Variants in PALLD observed in about 807,000 individuals in gnomAD.
PALLD encodes the protein palladin.
A neutral mutation model predicts 123.5 loss-of-function variants in PALLD; 61 were observed. That is an observed-to-expected ratio of 0.49 (90% CI 0.40 to 0.61). The LOEUF is 0.61. Ranked by LOEUF, PALLD falls within the 20% of genes least tolerant of loss-of-function variation. The pLI is 0.00. For missense variants in PALLD, 1,273 were observed against 1,377.0 expected (o/e 0.92, Z 1.20); for synonymous variants, 465 against 496.4 (o/e 0.94, Z 0.84).
At chr4:168,557,075 G>T (rs938890163) in intron 2 of PALLD, among the ~76,000 whole-genome samples, 1 of 121,444 alleles carries the variant, frequency 8.2e-6, no homozygotes, top group Non-Finnish European at 2.0e-5. Context: ...ACAGAGTCTC[G>T]CTCTGTTGCC....
chr4:168,858,790 T>TA (rs1748996585), intron 10 of PALLD, among the ~76,000 whole-genome samples: 1 of 77,722 alleles, frequency 1.3e-5, no homozygotes, highest in South Asian at 5.7e-4. Flanking sequence ...TCAAAAAAAA[T>TA]AAAAATTAAA....
chr4:168,778,683 T>C (rs766523280), intron 10 of PALLD, among the ~76,000 whole-genome samples: 1 of 152,240 alleles, frequency 6.6e-6, no homozygotes, highest in Non-Finnish European at 1.5e-5. Flanking sequence ...ATTTATGCCT[T>C]ACTTGCGTAA....
intron 2 of PALLD, among the ~76,000 whole-genome samples, chr4:168,642,988 G>C (rs1287961660): frequency 6.6e-6 from 1 of 152,204 alleles, no homozygotes; most frequent in Non-Finnish European, 1.5e-5. Flanking sequence ...GGAAGGAAAG[G>C]GGTGTTTGGA....
At chr4:168,595,450 T>C (rs1771885378) in intron 2 of PALLD, among the ~76,000 whole-genome samples, 1 of 152,178 alleles carries the variant, frequency 6.6e-6, no homozygotes, top group Non-Finnish European at 1.5e-5. Context: ...ACATCGTTTA[T>C]GATAAATGCT....
intron 6 of PALLD, among the ~76,000 whole-genome samples, 181 bp from the exon 7 acceptor site, chr4:168,690,422 G>A (rs1053684351): frequency 9.2e-5 from 14 of 152,138 alleles, no homozygotes; most frequent in African/African-American, 1.7e-4. Context: ...GCTGATAATC[G>A]GTGGGTCCAA....
chr4:168,755,100 G>C (rs1343830490), intron 10 of PALLD, among the ~76,000 whole-genome samples: 2 of 152,092 alleles, frequency 1.3e-5, no homozygotes, highest in Non-Finnish European at 2.9e-5. Flanking sequence ...AGGCGTGGTG[G>C]CGGGCGCCTG....
intron 2 of PALLD, among the ~76,000 whole-genome samples, chr4:168,640,496 C>G (rs1161895639): frequency 6.6e-6 from 1 of 152,168 alleles, no homozygotes; most frequent in African/African-American, 2.4e-5. Context: ...ACAAGGCACT[C>G]ACACAAGGTT....
intron 10 of PALLD, among the ~76,000 whole-genome samples, chr4:168,782,888 C>T (rs1297454726): frequency 1.3e-5 from 2 of 151,998 alleles, no homozygotes; most frequent in Non-Finnish European, 2.9e-5. Flanking sequence ...GCACTCCAGC[C>T]TGGGCGACAG....
rs368056641 is a variant in PALLD, at chr4:168,890,984, C to T, written c.2027C>T (p.Thr676Ile). The T allele has an allele frequency of 1.9e-6, 3 of 1,613,992 alleles. No individual in the cohort carries two copies. The highest frequency in any genetic ancestry group is 1.1e-5 in the South Asian group (1 of 91,070). The change falls in exon 11 of 22, where the codon ACA (threonine) becomes ATA (isoleucine). Residue 676 changes from threonine to isoleucine, a missense_variant. Physicochemically the swap from Thr to Ile is moderately conservative, Grantham distance 89. Transcript: ENST00000505667. ...GCCTCCGATGAGGAAATTCAAGGCACAAAGGATGCTGTTATTCAAGACCTG... is the reference window on the plus strand; with the variant it reads ...GCCTCCGATGAGGAAATTCAAGGCATAAAGGATGCTGTTATTCAAGACCTG... ...RIASDEEIQG[T>I]KDAVIQDLER...
chr4:168,669,452 C>T (rs1186206840), intron 3 of PALLD, among the ~76,000 whole-genome samples: 1 of 152,010 alleles, frequency 6.6e-6, no homozygotes, highest in East Asian at 1.9e-4. Flanking sequence ...TTAGCCTGGC[C>T]TGGTGGCGTG....
chr4:168,531,171 T>G (rs879397262), intron 2 of PALLD, among the ~76,000 whole-genome samples: 3 of 152,236 alleles, frequency 2.0e-5, no homozygotes, highest in Non-Finnish European at 2.9e-5. Context: ...TATATAATTG[T>G]GGGACCATGT....
chr4:168,902,285 T>G (rs1303317273), intron 14 of PALLD, among the ~76,000 whole-genome samples: 3 of 151,374 alleles, frequency 2.0e-5, no homozygotes, highest in Non-Finnish European at 4.4e-5. Context: ...TACTTTTGGC[T>G]GCAAGGAACA....
intron 1 of PALLD, among the ~76,000 whole-genome samples, chr4:168,501,487 G>C (rs1256757734): frequency 1.3e-5 from 2 of 152,160 alleles, no homozygotes; most frequent in Non-Finnish European, 2.9e-5. Flanking sequence ...ACCTTTGAAA[G>C]CAATATTTGC....
Position 168,922,865 on chromosome 4 carries a change from C to T in PALLD, c.3058+1124C>T, listed in dbSNP as rs571773010. Reference sequence around the variant, plus strand: ...ATCAGCTGGCACTCCTGTCAGAAGACGGTGATGCACAGTAATTGGAAGCAA... The same window carrying T: ...ATCAGCTGGCACTCCTGTCAGAAGATGGTGATGCACAGTAATTGGAAGCAA... On this transcript the variant is annotated intron_variant, in intron 18 of 21. Transcript: ENST00000505667. Among the ~76,000 whole-genome samples the T allele has an allele frequency of 3.9e-5, 6 of 152,260 alleles. No individual in the cohort carries two copies. The South Asian group carries it at 1.0e-3, about 26-fold the overall frequency.
chr4:168,631,382 T>C (rs1181056005), intron 2 of PALLD, among the ~76,000 whole-genome samples: 3 of 152,318 alleles, frequency 2.0e-5, no homozygotes, highest in Non-Finnish European at 2.9e-5. Context: ...AAACCACAGC[T>C]GAATGGGGAG....
intron 10 of PALLD, chr4:168,877,659 C>A: frequency 1.1e-6 from 1 of 882,082 alleles, no homozygotes; most frequent in South Asian, 5.4e-5. Context: ...GCTGAGCTCA[C>A]TCCTGGAATA....
intron 3 of PALLD, among the ~76,000 whole-genome samples, chr4:168,678,206 T>C (rs1781062765): frequency 6.6e-6 from 1 of 152,180 alleles, no homozygotes; most frequent in Admixed American, 6.5e-5. Context: ...TTTCTAGTTA[T>C]GTGACCTTCA....
chr4:168,629,638 C>G (rs1157262012), intron 2 of PALLD, among the ~76,000 whole-genome samples: 1 of 152,214 alleles, frequency 6.6e-6, no homozygotes, highest in Non-Finnish European at 1.5e-5. Context: ...CCCTCCCATC[C>G]CTTCCTGGGT....
chr4:168,542,983 C>T (rs6836618), intron 2 of PALLD, among the ~76,000 whole-genome samples: 95,915 of 151,256 alleles, frequency 0.63, 30,659 homozygotes, highest in East Asian at 0.85. Context: ...ATGACCTAAT[C>T]ACCTGCTGTC....
Sources: allele counts gnomAD v4.1 joint callset (sites outside exome capture counted in the v4.1 genomes callset), GRCh38; gene constraint gnomAD v4.1.1; transcripts MANE v1.5; gene names NCBI Gene and HGNC (gene_info 2026-07-23, HGNC 2026-07-21).